Variants in PRPF8 observed in about 807,000 individuals in gnomAD.
The protein encoded by PRPF8 is pre-mRNA-processing-splicing factor 8.
Under a neutral mutation model 285.9 loss-of-function variants are expected in PRPF8, and 64 were observed. That is an observed-to-expected ratio of 0.22 (90% CI 0.18 to 0.28). PRPF8 has a LOEUF of 0.28. PRPF8 is among the 10% of genes least tolerant of loss of function. The pLI is 1.00. For synonymous variants in PRPF8, 1,325 were observed against 1,118.2 expected (o/e 1.18, Z -3.69); for missense variants, 1,426 against 3,026.7 (o/e 0.47, Z 12.41).
At chr17:1,683,285 G>T (rs547742534) in intron 3 of PRPF8, 3 of 546,336 alleles carry the variant, frequency 5.5e-6, no homozygotes, top group African/African-American at 1.9e-5. Context: ...ATGAGCCACC[G>T]CGCCTGGCCA....
At chr17:1,660,872 C>G (rs755994299) in intron 28 of PRPF8, 45 bp from the exon 29 acceptor site, 33 of 1,612,898 alleles carry the variant, frequency 2.0e-5, no homozygotes, top group African/African-American at 2.7e-5. Context: ...TGCCATTTCC[C>G]AGCACACTGC....
intron 3 of PRPF8, chr17:1,683,109 C>A: frequency 3.6e-6 from 1 of 281,382 alleles, no homozygotes. Context: ...CATTCTCCTG[C>A]CTCAGCCTCC....
chr17:1,672,893 A>C (rs910722203), intron 24 of PRPF8, 188 bp downstream of exon 24: 1 of 646,276 alleles, frequency 1.5e-6, no homozygotes, highest in Non-Finnish European at 2.8e-6. Flanking sequence ...AATTTCTACA[A>C]GGAACGCTCA....
chr17:1,681,431 T>C (rs1371033262), intron 6 of PRPF8, 47 bp downstream of exon 6: 2 of 1,519,272 alleles, frequency 1.3e-6, no homozygotes, highest in Admixed American at 3.3e-5. Flanking sequence ...CAAGATTACG[T>C]TTCATTCAAC....
At chr17:1,662,642 C>G (rs1454560399) in intron 24 of PRPF8, among the ~76,000 whole-genome samples, 1 of 150,608 alleles carries the variant, frequency 6.6e-6, no homozygotes, top group Non-Finnish European at 1.5e-5. Context: ...TGGCTCACGC[C>G]TGTCATGCCA....
chr17:1,682,298 C>T lies in PRPF8; in HGVS notation c.270-5G>A, dbSNP rs775785196. On this transcript the variant is annotated splice_region_variant and splice_polypyrimidine_tract_variant and intron_variant, in intron 3 of 42. Transcript: ENST00000304992. Reference sequence around the variant, plus strand: ...TGGGGCATGTACTTTAGGGCACTGGCACATTAGAAAAAGAGAAGGCTATCA... The same window carrying T: ...TGGGGCATGTACTTTAGGGCACTGGTACATTAGAAAAAGAGAAGGCTATCA... The T allele has an allele frequency of 1.9e-6, 3 of 1,613,862 alleles. No homozygotes were observed. Among genetic ancestry groups the T allele is most frequent in the Admixed American group, 3.3e-5 (2 of 60,008 alleles).
intron 6 of PRPF8, 105 bp downstream of exon 6, chr17:1,681,373 C>T: frequency 7.9e-7 from 1 of 1,273,482 alleles, no homozygotes; most frequent in South Asian, 1.2e-5. Flanking sequence ...AGCCACTGCA[C>T]CTGGTGTAAA....
In PRPF8 at chr17:1,681,630, G is replaced by C. The variant is rs759319145; in HGVS notation, c.714C>G (p.Leu238=). Residue 238 remains leucine, a synonymous_variant, in exon 6 of 43, where the codon CTC becomes CTG. Transcript: ENST00000304992. ...TCAGGAGCTGATTAGCCAGGCGGTA[G>C]AGAGTCGACATCATAGGTAGTGTGA... The part of the protein sequence containing the change: ...WQFTLPMMST[L]YRLANQLLTD... 6 of 1,614,030 alleles carry C rather than the reference G, an allele frequency of 3.7e-6. No homozygotes were observed. Among genetic ancestry groups the C allele is most frequent in the African/African-American group, 2.7e-5 (2 of 74,906 alleles).
intron 2 of PRPF8, 59 bp downstream of exon 2, chr17:1,684,413 G>C: frequency 6.4e-7 from 1 of 1,565,238 alleles, no homozygotes; most frequent in South Asian, 1.1e-5. Context: ...CCACCCGCCT[G>C]CGCGCGCGCA....
Position 1,673,850 on chromosome 17 carries a change from C to T in PRPF8, c.3342G>A (p.Leu1114=). 6.2e-7 allele frequency: 1 copy of T among 1,614,026 alleles called. No homozygotes were observed. The highest frequency in any genetic ancestry group is 1.3e-5 in the African/African-American group (1 of 75,012). Residue 1114 remains leucine, a synonymous_variant, in exon 22 of 43, where the codon CTG becomes CTA. Transcript: ENST00000304992. This position sits in a 1 kb window ranked among gnomAD's most constrained non-coding sequence, Gnocchi z 5.5. The part of the protein sequence containing the change: ...DEARDLIQRY[L]TEHPDPNNEN... ...CATTATTGGGGTCAGGGTGCTCTGTCAGGTAACGTTGAATCAGGTCCCGAG... is the reference window on the plus strand; with the variant it reads ...CATTATTGGGGTCAGGGTGCTCTGTTAGGTAACGTTGAATCAGGTCCCGAG...
At position 1,676,420 on chromosome 17, in the gene PRPF8, G is replaced by C. The variant is rs1912603595; in HGVS notation, c.2389-50C>G. On this transcript the variant is annotated intron_variant, in intron 16 of 42. Transcript: ENST00000304992. This position sits in a 1 kb window ranked among gnomAD's most constrained non-coding sequence, Gnocchi z 6.3. Reference sequence around the variant, plus strand: ...CTCCCGCTACAGCCCGATCCTGCCAGAACAAGGTTCAGTCACAACTCTACA... The same window carrying C: ...CTCCCGCTACAGCCCGATCCTGCCACAACAAGGTTCAGTCACAACTCTACA... 1.9e-6 allele frequency: 3 copies of C among 1,614,004 alleles called. No individual in the cohort carries two copies. The highest frequency in any genetic ancestry group is 2.2e-5 in the South Asian group (2 of 91,086).
Position 1,678,679 on chromosome 17 carries a change from T to C in PRPF8, c.1720-27A>G, listed in dbSNP as rs761286925. On this transcript the variant is annotated intron_variant, in intron 12 of 42. Transcript: ENST00000304992. ...TGCAATACAATTGCCCCATCAGACC[T>C]GGAGCTTAAACCAGCTCCACGGTCA... 12 of 1,614,044 alleles carry C rather than the reference T, an allele frequency of 7.4e-6. No individual in the cohort carries two copies. The Admixed American group carries it at 1.5e-4, about 20-fold the overall frequency.
intron 14 of PRPF8, 118 bp from the exon 15 acceptor site, chr17:1,677,290 G>T: frequency 1.8e-6 from 2 of 1,128,488 alleles, no homozygotes; most frequent in Non-Finnish European, 2.6e-6. Flanking sequence ...TTAACAAAGC[G>T]TCCCTGTGCC....
chr17:1,654,942 A>C (rs569952854), intron 37 of PRPF8: 62 of 216,100 alleles, frequency 2.9e-4, no homozygotes, highest in Non-Finnish European at 4.9e-4. Context: ...AGACAAGATA[A>C]TTTCTTGAGA....
chr17:1,674,828 C>G (rs8066413), intron 20 of PRPF8, 148 bp from the exon 21 acceptor site: 184,548 of 853,066 alleles, frequency 0.22, 24,419 homozygotes, highest in African/African-American at 0.52. Flanking sequence ...TGAGAGTGCA[C>G]TGGCGCAATC....
chr17:1,659,296 G>C lies in PRPF8; in HGVS notation c.5138+61C>G. The C allele has an allele frequency of 6.3e-7, 1 of 1,592,988 alleles. No homozygotes were observed. The highest frequency in any genetic ancestry group is 8.6e-7 in the Non-Finnish European group (1 of 1,162,296). On this transcript the variant is annotated intron_variant, in intron 32 of 42. Coordinates refer to ENST00000304992, the MANE Select transcript of PRPF8 (RefSeq NM_006445.4). This position sits in a 1 kb window ranked among gnomAD's most constrained non-coding sequence, Gnocchi z 5.1. ...CCACCGCGGCCTCCCAAAGTGCTGG[G>C]ATTACAGGTGTGAGCCACTGCGCCT...
Position 1,653,717 on chromosome 17 carries a change from G to A in PRPF8, c.6228-34C>T, listed in dbSNP as rs781446697. 1.2e-6 allele frequency: 2 copies of A among 1,614,020 alleles called. No individual in the cohort carries two copies. Among genetic ancestry groups the A allele is most frequent in the Admixed American group, 1.7e-5 (1 of 59,998 alleles). ...AGGCAGGGAGTGTCAGCATCGCTCA[G>A]CCCAGCACCTTAGGTAGTGCAGCCG... On this transcript the variant is annotated intron_variant, in intron 38 of 42. Coordinates refer to ENST00000304992, the MANE Select transcript of PRPF8 (RefSeq NM_006445.4). The surrounding 1 kb of genome is among the most constrained non-coding windows in gnomAD (Gnocchi z 4.9).
In PRPF8 at chr17:1,684,524, G is replaced by C; in HGVS notation, c.48C>G (p.Gly16=). 6.2e-7 allele frequency: 1 copy of C among 1,612,604 alleles called. No individual in the cohort carries two copies. The highest frequency in any genetic ancestry group is 8.5e-7 in the Non-Finnish European group (1 of 1,179,856). ...TGTAGTCCGGTAGCGGGGCTAGAGG[G>C]CCAGGCACCGGGTTACCCGGCCCTC... is the stretch of plus-strand genomic sequence containing the variant. The part of the protein sequence containing the change: ...PYRGPGNPVP[G]PLAPLPDYMS... The change falls in exon 2 of 43, where the codon GGC becomes GGG. Residue 16 remains glycine (G), a synonymous_variant. Coordinates refer to ENST00000304992, the MANE Select transcript of PRPF8 (RefSeq NM_006445.4).
chr17:1,681,254 A>G (rs1392149901), intron 6 of PRPF8, among the ~76,000 whole-genome samples, 200 bp from the exon 7 acceptor site: 2 of 152,026 alleles, frequency 1.3e-5, no homozygotes, highest in African/African-American at 2.4e-5. Context: ...GCCCAGCTAC[A>G]TTTTTTGGTA....
Sources: gnomAD v4.1 joint callset for allele counts (sites outside exome capture counted in the v4.1 genomes callset) on GRCh38, gnomAD v4.1.1 for gene constraint, Gnocchi (gnomAD v3.1) non-coding constraint, MANE v1.5 for transcripts, NCBI Gene and HGNC (gene_info 2026-07-23, HGNC 2026-07-21) for gene names.